CHERP: variants seen among roughly 807,000 people sequenced by gnomAD.
CHERP encodes the protein ERPROT 213-21.
In CHERP, 8 loss-of-function variants were observed where a neutral mutation model predicts 113.8. That is an observed-to-expected ratio of 0.07 (90% CI 0.04 to 0.13). CHERP has a LOEUF of 0.13. Among genes scored for constraint, CHERP ranks in the 10% least tolerant of loss-of-function variants. The probability of loss-of-function intolerance (pLI) is 1.00; values close to 1 mark genes in which losing one functional copy is unlikely to be tolerated. For missense variants in CHERP, 884 were observed against 1,298.2 expected (o/e 0.68, Z 4.90); for synonymous variants, 559 against 524.5 (o/e 1.07, Z -0.90).
At position 16,520,103 on chromosome 19, in the gene CHERP, G is replaced by A. The variant is rs138855076; in HGVS notation, c.2462+46C>T. 34 of 1,573,700 alleles carry A rather than the reference G, an allele frequency of 2.2e-5. No individual in the cohort carries two copies. The highest frequency in any genetic ancestry group is 9.4e-5 in the African/African-American group (7 of 74,102). ...GTTTCCACATTCACAGCAAAGCACCGCAGCTTCCCAGAGTTACCAGCGCAG... is the reference window on the plus strand; with the variant it reads ...GTTTCCACATTCACAGCAAAGCACCACAGCTTCCCAGAGTTACCAGCGCAG... On this transcript the variant is annotated intron_variant, in intron 15 of 16. Transcript: ENST00000546361. This position sits in a 1 kb window ranked among gnomAD's most constrained non-coding sequence, Gnocchi z 4.0.
chr19:16,520,730 G>A lies in CHERP; in HGVS notation c.2201+96C>T. 1 of 1,291,874 alleles carries A rather than the reference G, an allele frequency of 7.7e-7. No individual in the cohort carries two copies. Among genetic ancestry groups the A allele is most frequent in the Non-Finnish European group, 1.1e-6 (1 of 895,392 alleles). The allele number at this position is 1,291,874 out of a possible 1,614,324, so 80.0% of individuals were successfully genotyped here. A position where few individuals can be genotyped will look rare whatever the true frequency, so the allele number is the denominator to read the frequency against. On this transcript the variant is annotated intron_variant, in intron 13 of 16. Transcript: ENST00000546361. The surrounding 1 kb of genome is among the most constrained non-coding windows in gnomAD (Gnocchi z 4.0). ...ACCGCCCCATAGGCACAGGCTGTGT[G>A]AGGGTGGACGTGATGAGTGTATCTG...
Position 16,532,558 on chromosome 19 carries a change from C to T in CHERP, c.674+40G>A, listed in dbSNP as rs370008407. ...CACCCAGGAGGGTTGAGGAGGAGCGCGAGGAAGTGGCGCTCTGGGCACGGG... is the reference window on the plus strand; with the variant it reads ...CACCCAGGAGGGTTGAGGAGGAGCGTGAGGAAGTGGCGCTCTGGGCACGGG... On this transcript the variant is annotated intron_variant, in intron 5 of 16. Coordinates refer to ENST00000546361, the MANE Select transcript of CHERP (RefSeq NM_006387.6). This position sits in a 1 kb window ranked among gnomAD's most constrained non-coding sequence, Gnocchi z 4.4. The T allele has an allele frequency of 1.3e-4, 207 of 1,545,636 alleles. No individual in the cohort carries two copies. The highest frequency in any genetic ancestry group is 1.7e-4 in the Non-Finnish European group (197 of 1,145,466).
At position 16,532,353 on chromosome 19, in the gene CHERP, T is replaced by C; in HGVS notation, c.674+245A>G. 2.1e-6 allele frequency: 1 copy of C among 465,370 alleles called. No individual in the cohort carries two copies. The highest frequency in any genetic ancestry group is 3.8e-6 in the Non-Finnish European group (1 of 262,152). 28.8% of individuals were successfully genotyped at this position (465,370 alleles called of 1,614,324 possible). A position where few individuals can be genotyped will look rare whatever the true frequency, so the allele number is the denominator to read the frequency against. On this transcript the variant is annotated intron_variant, in intron 5 of 16. Coordinates refer to ENST00000546361, the MANE Select transcript of CHERP (RefSeq NM_006387.6). The surrounding 1 kb of genome is among the most constrained non-coding windows in gnomAD (Gnocchi z 4.4). The stretch of plus-strand genomic sequence containing the variant: ...CCCCAGGAGACAGCAATGTGACAGG[T>C]GAGGCCGGGGTCTAGGGGAGAGGAC...
chr19:16,527,747 A>G (rs2085666186), intron 9 of CHERP, among the ~76,000 whole-genome samples: 2 of 152,184 alleles, frequency 1.3e-5, no homozygotes, highest in Admixed American at 1.3e-4. Context: ...CTGACACTCA[A>G]CTAGCTTAAC....
At position 16,519,329 on chromosome 19, in the gene CHERP, C is replaced by T. The variant is rs745446988; in HGVS notation, c.2581G>A (p.Gly861Ser). 6.2e-7 allele frequency: 1 copy of T among 1,612,936 alleles called. No individual in the cohort carries two copies. Among genetic ancestry groups the T allele is most frequent in the Non-Finnish European group, 8.5e-7 (1 of 1,179,878 alleles). The change falls in exon 17 of 17, where the codon GGT becomes AGT. Residue 861 changes from glycine to serine, a missense_variant. Physicochemically the swap from Gly to Ser is moderately conservative, Grantham distance 56 (BLOSUM62 0). Around this residue, in one of 8 missense-constraint regions of CHERP, gnomAD observed 42 missense variants for 105.1 expected, o/e 0.40. Transcript: ENST00000546361. The surrounding 1 kb of genome is among the most constrained non-coding windows in gnomAD (Gnocchi z 6.0). ...KMGWSGSGGL[G>S]AKEQGIQDPI... ...TCCTGGATCCCTTGCTCCTTCGCAC[C>T]GAGGCCGCCTGAGCCGCTCCAGCCT...
Position 16,525,556 on chromosome 19 carries a change from C to G in CHERP, c.1427G>C (p.Arg476Pro). 1.3e-6 allele frequency: 2 copies of G among 1,541,876 alleles called. No homozygotes were observed. Among genetic ancestry groups the G allele is most frequent in the Non-Finnish European group, 8.7e-7 (1 of 1,146,712 alleles). The change falls in exon 10 of 17, where the codon CGC becomes CCC. Residue 476 changes from arginine (R) to proline (P), a missense_variant. This residue lies in a region of CHERP where 464 missense variants were observed against 590.1 expected (regional missense o/e 0.79). Transcript: ENST00000546361. This position sits in a 1 kb window ranked among gnomAD's most constrained non-coding sequence, Gnocchi z 6.5. ...GGGCTGGTTGTTCCAGGGCGCGTCG[C>G]GCTGGCCGTTCCAGCCGGGGTCACC... ...QRGDPGWNGQRDAPWNNQPDA... is the reference protein window; with the variant it reads ...QRGDPGWNGQPDAPWNNQPDA...
At chr19:16,533,348 C>T (rs930270360) in intron 3 of CHERP, among the ~76,000 whole-genome samples, 200 bp from the exon 4 acceptor site, 1 of 152,192 alleles carries the variant, frequency 6.6e-6, no homozygotes, top group African/African-American at 2.4e-5. Context: ...TGTGACAGTC[C>T]CTCCTGGAGT....
At chr19:16,524,765 TTTTG>T (rs1308570053) in intron 10 of CHERP, among the ~76,000 whole-genome samples, 1 of 151,618 alleles carries the variant, frequency 6.6e-6, no homozygotes, top group Non-Finnish European at 1.5e-5. Context: ...AAAAGTAGTT[TTTTG>T]TTTTTTTTTT....
intron 3 of CHERP, among the ~76,000 whole-genome samples, chr19:16,534,576 A>G (rs1375543027): frequency 6.6e-6 from 1 of 152,024 alleles, no homozygotes; most frequent in Non-Finnish European, 1.5e-5. Flanking sequence ...CCCAGGTTGA[A>G]GCAATTCTCC....
In CHERP at chr19:16,525,074, C is replaced by T. The variant is rs896534618; in HGVS notation, c.1741+168G>A. Among the ~76,000 whole-genome samples the T allele has an allele frequency of 6.6e-6, 1 of 152,096 alleles. No homozygotes were observed. The highest frequency in any genetic ancestry group is 6.5e-5 in the Admixed American group (1 of 15,278). On this transcript the variant is annotated intron_variant, in intron 10 of 16. Coordinates refer to ENST00000546361, the MANE Select transcript of CHERP (RefSeq NM_006387.6). The surrounding 1 kb of genome is among the most constrained non-coding windows in gnomAD (Gnocchi z 6.5). ...TCAGGGCGGCAAAACTGAGTCTGTG[C>T]CCCCACTTCCTGAGAACCCAGGCCG...
intron 11 of CHERP, among the ~76,000 whole-genome samples, chr19:16,522,045 A>G (rs187615347): frequency 6.7e-6 from 1 of 150,286 alleles, no homozygotes; most frequent in African/African-American, 2.4e-5. Flanking sequence ...CCGGCCCTGG[A>G]GCCCCCTGGC....
intron 2 of CHERP, among the ~76,000 whole-genome samples, chr19:16,537,786 G>T (rs961452002): frequency 2.0e-5 from 3 of 152,162 alleles, no homozygotes; most frequent in African/African-American, 4.8e-5. Context: ...GGCAGTCATG[G>T]TATTGCCACT....
rs767635590 is a variant in CHERP, at chr19:16,530,649, C to A, written c.812G>T (p.Gly271Val). 6.2e-7 allele frequency: 1 copy of A among 1,614,044 alleles called. No homozygotes were observed. Among genetic ancestry groups the A allele is most frequent in the South Asian group, 1.1e-5 (1 of 91,082 alleles). The change falls in exon 7 of 17, where the codon GGC becomes GTC. Residue 271 changes from glycine to valine, a missense_variant. By Grantham distance (109) the Gly-to-Val change is moderately radical. Transcript: ENST00000546361. This position sits in a 1 kb window ranked among gnomAD's most constrained non-coding sequence, Gnocchi z 4.1. ...ARLLQLWEKN[G>V]YFDDSIIQQL... is the part of the protein sequence containing the mutation. ...CTGAATGATGGAGTCATCGAAGTAG[C>A]CGTTTTTCTCCCAGAGCTGCAGGAG...
In CHERP at chr19:16,533,068, G is replaced by T. The variant is rs370431070; in HGVS notation, c.465C>A (p.Asn155Lys). ...TGGGCTGCAGGAGGTTGTCAAACTC[G>T]TTCATGTCTAGCTGGGTCTCCTCCA... ...KLLEETQLDM[N>K]EFDNLLQPII... is the part of the protein sequence containing the mutation. The change falls in exon 4 of 17, where the codon AAC becomes AAA. Residue 155 changes from asparagine (N) to lysine (K), a missense_variant. This residue lies in a region of CHERP where 109 missense variants were observed against 134.2 expected (regional missense o/e 0.81). Coordinates refer to ENST00000546361, the MANE Select transcript of CHERP (RefSeq NM_006387.6). 6 of 1,576,918 alleles carry T rather than the reference G, an allele frequency of 3.8e-6. No individual in the cohort carries two copies. In the East Asian group the frequency reaches 1.4e-4, roughly 36 times the overall value.
At chr19:16,536,089 C>A (rs958047823) in intron 2 of CHERP, among the ~76,000 whole-genome samples, 1 of 152,190 alleles carries the variant, frequency 6.6e-6, no homozygotes, top group Admixed American at 6.5e-5. Flanking sequence ...GTCACAGCCA[C>A]CGGGCCTCTG....
At position 16,520,078 on chromosome 19, in the gene CHERP, G is replaced by A; in HGVS notation, c.2462+71C>T. The A allele has an allele frequency of 4.7e-6, 7 of 1,493,520 alleles. No homozygotes were observed. Among genetic ancestry groups the A allele is most frequent in the Non-Finnish European group, 5.6e-6 (6 of 1,080,062 alleles). 92.5% of individuals were successfully genotyped at this position (1,493,520 alleles called of 1,614,324 possible). A position where few individuals can be genotyped will look rare whatever the true frequency, so the allele number is the denominator to read the frequency against. ...CTAACACAGTCTCCTAACCACCAATGTTTCCACATTCACAGCAAAGCACCG... is the reference window on the plus strand; with the variant it reads ...CTAACACAGTCTCCTAACCACCAATATTTCCACATTCACAGCAAAGCACCG... On this transcript the variant is annotated intron_variant, in intron 15 of 16. Transcript: ENST00000546361. This position sits in a 1 kb window ranked among gnomAD's most constrained non-coding sequence, Gnocchi z 4.0.
chr19:16,529,490 G>A (rs1043382132), intron 8 of CHERP, among the ~76,000 whole-genome samples, 158 bp downstream of exon 8: 2 of 152,178 alleles, frequency 1.3e-5, no homozygotes, highest in Non-Finnish European at 2.9e-5. Flanking sequence ...CACCTGGCTC[G>A]TGCTTGTAAA....
At chr19:16,541,319 T>C (rs187204121) in intron 2 of CHERP, 32 of 152,468 alleles carry the variant, frequency 2.1e-4, no homozygotes, top group Admixed American at 1.0e-3. Flanking sequence ...CTATCCATTA[T>C]TCAAAGGCCA....
At chr19:16,533,196 C>T (rs1375537653) in intron 3 of CHERP, 48 bp from the exon 4 acceptor site, 7 of 1,544,288 alleles carry the variant, frequency 4.5e-6, no homozygotes, top group African/African-American at 1.4e-5. Flanking sequence ...GAGGGACCCG[C>T]AGCCTGAGCC....
Sources: gnomAD v4.1 joint callset for allele counts (sites outside exome capture counted in the v4.1 genomes callset) on GRCh38, gnomAD v4.1.1 for gene constraint, gnomAD v4.1.1 regional missense constraint, Gnocchi (gnomAD v3.1) non-coding constraint, MANE v1.5 for transcripts, NCBI Gene and HGNC (gene_info 2026-07-23, HGNC 2026-07-21) for gene names.